ZNF10: variants seen among roughly 807,000 people sequenced by gnomAD.
ZNF10 encodes zinc finger protein 10 (KOX 1).
ZNF10 carries 8 observed loss-of-function variants against 12.2 expected under a neutral mutation model. The ratio of observed to expected loss-of-function variants is 0.66; its 90% CI spans 0.39 to 1.18. The LOEUF is 1.18. Among genes scored for constraint, ZNF10 ranks in the 50% most tolerant of loss-of-function variants. The pLI is 0.01. For missense variants in ZNF10, 603 were observed against 678.9 expected, an observed-to-expected ratio of 0.89 and a Z score of 1.24; for synonymous variants, 229 against 228.2, an observed-to-expected ratio of 1.00 and a Z score of -0.03.
chr12:133,144,547 G>A, intron 2 of ZNF10, 22 bp downstream of exon 2: 1 of 1,612,198 alleles, frequency 6.2e-7, no homozygotes, highest in Non-Finnish European at 8.5e-7. Flanking sequence ...TTTCTTCCCA[G>A]TTTCCAACTG....
At chr12:133,141,498 T>G (rs1044693959) in intron 1 of ZNF10, among the ~76,000 whole-genome samples, 3 of 152,144 alleles carry the variant, frequency 2.0e-5, no homozygotes, top group Middle Eastern at 3.4e-3. Context: ...AGTACAGCAA[T>G]AGAAAGTATT....
chr12:133,153,418 C>G (rs1263337080), intron 4 of ZNF10, among the ~76,000 whole-genome samples: 1 of 152,276 alleles, frequency 6.6e-6, no homozygotes, highest in East Asian at 1.9e-4. Flanking sequence ...TATGACCAAA[C>G]TCTCCACTCA....
At chr12:133,152,258 A>C (rs73162495) in intron 4 of ZNF10, among the ~76,000 whole-genome samples, 29,649 of 152,032 alleles carry the variant, frequency 0.2, 3,654 homozygotes, top group Non-Finnish European at 0.27. Context: ...TCTCTGTGCA[A>C]GCTCTGGAGT....
intron 1 of ZNF10, among the ~76,000 whole-genome samples, chr12:133,143,354 A>G (rs1955957306): frequency 6.6e-6 from 1 of 152,182 alleles, no homozygotes; most frequent in Non-Finnish European, 1.5e-5. Flanking sequence ...AAATTATTTT[A>G]CTGCAATTTA....
intron 2 of ZNF10, among the ~76,000 whole-genome samples, chr12:133,145,737 G>A (rs1180697688): frequency 1.3e-5 from 2 of 152,006 alleles, no homozygotes; most frequent in East Asian, 1.9e-4. Flanking sequence ...CCCGGGAGGC[G>A]GAGGTTGCAG....
chr12:133,151,937 A>G, intron 4 of ZNF10, 33 bp downstream of exon 4: 1 of 1,575,740 alleles, frequency 6.3e-7, no homozygotes, highest in East Asian at 2.2e-5. Context: ...CATAGGCAGC[A>G]GCCCAGATGG....
intron 1 of ZNF10, among the ~76,000 whole-genome samples, chr12:133,136,791 G>A (rs1363804313): frequency 6.6e-6 from 1 of 152,080 alleles, no homozygotes; most frequent in African/African-American, 2.4e-5. Context: ...TTAAATATGT[G>A]ACAAAAGACC....
At position 133,151,108 on chromosome 12, in the gene ZNF10, G is replaced by A; in HGVS notation, c.114G>A (p.Val38=). 1 of 1,613,788 alleles carries A rather than the reference G, an allele frequency of 6.2e-7. No homozygotes were observed. The highest frequency in any genetic ancestry group is 8.5e-7 in the Non-Finnish European group (1 of 1,179,754). ...TGCTGGACACTGCTCAGCAGATCGT[G>A]TACAGAAATGTGATGCTGGAGAACT... ...WKLLDTAQQI[V]YRNVMLENYK... is the part of the protein sequence containing the mutation. Residue 38 remains valine, a synonymous_variant, in exon 3 of 5, where the codon GTG becomes GTA. Transcript: ENST00000248211.
chr12:133,130,834 T>C (rs961740526), intron 1 of ZNF10, 80 bp downstream of exon 1: 1 of 152,260 alleles, frequency 6.6e-6, no homozygotes, highest in Non-Finnish European at 1.5e-5. Flanking sequence ...AGCAGTGTAT[T>C]AGCTTCGTAT....
intron 1 of ZNF10, among the ~76,000 whole-genome samples, chr12:133,135,715 G>A (rs1955906989): frequency 6.6e-6 from 1 of 152,114 alleles, no homozygotes; most frequent in African/African-American, 2.4e-5. Context: ...CTTGACTCAT[G>A]TCTATACCAA....
At position 133,155,546 on chromosome 12, in the gene ZNF10, G is replaced by A; in HGVS notation, c.300G>A (p.Arg100=). The A allele has an allele frequency of 6.3e-7, 1 of 1,599,122 alleles. No individual in the cohort carries two copies. The highest frequency in any genetic ancestry group is 8.5e-7 in the Non-Finnish European group (1 of 1,175,986). Residue 100 remains arginine (R), a synonymous_variant, in exon 5 of 5, where the codon AGG becomes AGA. Transcript: ENST00000248211. ...AAATCAAATCATCAGTTTCCAGCAG[G>A]AGCATTTTTAAAGATAAGCAATCCT... ...AFEIKSSVSS[R]SIFKDKQSCD... is the part of the protein sequence containing the mutation.
chr12:133,152,187 A>G (rs1037363127), intron 4 of ZNF10, among the ~76,000 whole-genome samples: 2 of 152,128 alleles, frequency 1.3e-5, no homozygotes, highest in Non-Finnish European at 2.9e-5. Flanking sequence ...TTGTCATAGA[A>G]TCACTTCTTG....
At chr12:133,136,726 C>G (rs551872479) in intron 1 of ZNF10, among the ~76,000 whole-genome samples, 2 of 152,230 alleles carry the variant, frequency 1.3e-5, no homozygotes, top group South Asian at 2.1e-4. Context: ...CCTTAGACTC[C>G]TTTATTCATG....
At chr12:133,143,324 G>GT (rs1406963102) in intron 1 of ZNF10, among the ~76,000 whole-genome samples, 2 of 151,046 alleles carry the variant, frequency 1.3e-5, no homozygotes, top group Non-Finnish European at 2.9e-5. Context: ...CTTAAAAACA[G>GT]TTAAAATGGC....
rs995498829 is a variant in ZNF10 at position 133,158,238 on chromosome 12, T to G, written c.*1270T>G. The G allele has an allele frequency of 2.6e-5, 4 of 152,208 alleles. No individual in the cohort carries two copies. Among genetic ancestry groups the G allele is most frequent in the African/African-American group, 9.6e-5 (4 of 41,454 alleles). 9.4% of individuals were successfully genotyped at this position (152,208 alleles called of 1,614,324 possible). A position where few individuals can be genotyped will look rare whatever the true frequency, so the allele number is the denominator to read the frequency against. On this transcript the variant is annotated 3_prime_UTR_variant, in exon 5 of 5. Coordinates refer to ENST00000248211, the MANE Select transcript of ZNF10 (RefSeq NM_015394.5). ...AAACAGCTTAGAATAGTGCCTGACA[T>G]ATATTATGTTCTCTGTAGTTACTGG...
Position 133,158,599 on chromosome 12 carries a change from TTC to T in ZNF10, c.*1635_*1636del, listed in dbSNP as rs1362150135. 1 of 152,232 alleles carries T rather than the reference TTC, an allele frequency of 6.6e-6. No individual in the cohort carries two copies. Among genetic ancestry groups the T allele is most frequent in the African/African-American group, 2.4e-5 (1 of 41,470 alleles). 9.4% of individuals were successfully genotyped at this position (152,232 alleles called of 1,614,324 possible). A position where few individuals can be genotyped will look rare whatever the true frequency, so the allele number is the denominator to read the frequency against. ...TTCAGGAAGAGGATCTATTTTAATT[TTC>T]TCTTTCATTCTATAAATCAGTCTGT... On this transcript the variant is annotated 3_prime_UTR_variant, in exon 5 of 5. Coordinates refer to ENST00000248211, the MANE Select transcript of ZNF10 (RefSeq NM_015394.5).
In ZNF10 at chr12:133,156,102, A is replaced by T; in HGVS notation, c.856A>T (p.Ile286Phe). Reference protein sequence around the residue: ...WRSNLTRHQLIHTGEKPYECK... With the variant: ...WRSNLTRHQLFHTGEKPYECK... The stretch of plus-strand genomic sequence containing the variant: ...CTCTAATCTTACTAGGCATCAGCTT[A>T]TTCATACTGGAGAAAAACCCTATGA... Residue 286 changes from isoleucine to phenylalanine, a missense_variant, in exon 5 of 5, where the codon ATT becomes TTT. Physicochemically the swap from Ile to Phe is conservative, Grantham distance 21. This residue lies in a region of ZNF10 where 393 missense variants were observed against 399.7 expected (regional missense o/e 0.98). Transcript: ENST00000248211. 1 of 1,613,522 alleles carries T rather than the reference A, an allele frequency of 6.2e-7. No individual in the cohort carries two copies. Among genetic ancestry groups the T allele is most frequent in the Non-Finnish European group, 8.5e-7 (1 of 1,180,008 alleles).
At chr12:133,133,332 C>G (rs571352291) in intron 1 of ZNF10, among the ~76,000 whole-genome samples, 1 of 152,258 alleles carries the variant, frequency 6.6e-6, no homozygotes, top group East Asian at 1.9e-4. Context: ...TCCATGTCCC[C>G]AAGTGAAATG....
At position 133,151,171 on chromosome 12, in the gene ZNF10, T is replaced by A. The variant is rs1432985390; in HGVS notation, c.160+17T>A. On this transcript the variant is annotated intron_variant, in intron 3 of 4. Transcript: ENST00000248211. ...TTTCCTTGGGTAAGACTAGCTCTGT[T>A]TTTGAAGATTTTGGTTCTCCATTGA... The A allele has an allele frequency of 1.2e-6, 2 of 1,603,690 alleles. No individual in the cohort carries two copies. Among genetic ancestry groups the A allele is most frequent in the Admixed American group, 3.4e-5 (2 of 59,250 alleles).
Sources: gnomAD v4.1 joint callset for allele counts (sites outside exome capture counted in the v4.1 genomes callset) on GRCh38, gnomAD v4.1.1 for gene constraint, gnomAD v4.1.1 regional missense constraint, MANE v1.5 for transcripts, NCBI Gene and HGNC (gene_info 2026-07-23, HGNC 2026-07-21) for gene names.